The following MME variants were observed in gnomAD, a reference collection of about 807,000 sequenced individuals.
The protein encoded by MME is neprilysin.
A neutral mutation model predicts 113.2 loss-of-function variants in MME; 98 were observed. The ratio of observed to expected loss-of-function variants is 0.87; its 90% CI spans 0.74 to 1.02. The LOEUF (loss-of-function observed/expected upper bound fraction) is 1.02. Ranked by LOEUF, MME falls within the 50% of genes least tolerant of loss-of-function variation. The pLI is 0.00. For missense variants in MME, 836 were observed against 896.0 expected, an observed-to-expected ratio of 0.93 and a Z score of 0.86; for synonymous variants, 292 against 300.6, an observed-to-expected ratio of 0.97 and a Z score of 0.30.
intron 3 of MME, among the ~76,000 whole-genome samples, chr3:155,094,375 C>A (rs901976447): frequency 6.6e-6 from 1 of 152,174 alleles, no homozygotes; most frequent in Non-Finnish European, 1.5e-5. Flanking sequence ...CAAAGACTAA[C>A]GACAGCCTAT....
intron 1 of MME, among the ~76,000 whole-genome samples, chr3:155,050,900 T>C (rs1713739824): frequency 6.6e-6 from 1 of 152,210 alleles, no homozygotes; most frequent in Non-Finnish European, 1.5e-5. Context: ...CATGAAATTT[T>C]TGCCGGTTCC....
chr3:155,058,467 C>A (rs928032711), intron 1 of MME, among the ~76,000 whole-genome samples: 11 of 152,162 alleles, frequency 7.2e-5, no homozygotes, highest in Admixed American at 5.2e-4. Context: ...AAACATAGCA[C>A]GTTAATGTTA....
chr3:155,174,175 A>G (rs1250481869), intron 22 of MME, among the ~76,000 whole-genome samples: 2 of 152,186 alleles, frequency 1.3e-5, no homozygotes, highest in East Asian at 1.9e-4. Context: ...TAAAACGTAC[A>G]TAAGTATATA....
intron 3 of MME, among the ~76,000 whole-genome samples, chr3:155,096,409 A>G (rs916070876): frequency 6.6e-6 from 1 of 152,224 alleles, no homozygotes; most frequent in African/African-American, 2.4e-5. Context: ...TAAGGCTATC[A>G]TAGAGGGTGT....
chr3:155,062,118 A>C (rs891138146), intron 1 of MME, among the ~76,000 whole-genome samples: 1 of 152,188 alleles, frequency 6.6e-6, no homozygotes, highest in Non-Finnish European at 1.5e-5. Context: ...TCAAAGTTGA[A>C]TAGGAAGGGT....
intron 8 of MME, among the ~76,000 whole-genome samples, chr3:155,135,302 T>C (rs1383235823): frequency 6.6e-6 from 1 of 152,188 alleles, no homozygotes; most frequent in Non-Finnish European, 1.5e-5. Context: ...CATCTTGAGG[T>C]AATTTTTGTG....
intron 17 of MME, among the ~76,000 whole-genome samples, chr3:155,162,301 C>T (rs898126901): frequency 1.2e-4 from 19 of 152,144 alleles, no homozygotes; most frequent in Non-Finnish European, 2.2e-4. Flanking sequence ...TCCAAATTGG[C>T]CCACTTCAGG....
In MME at chr3:155,119,944, T is replaced by A. The variant is rs1410630246; in HGVS notation, c.720+1133T>A. Among the ~76,000 whole-genome samples, 118 of 74,112 alleles carry A rather than the reference T, an allele frequency of 1.6e-3. 1 individual carries two copies. Among genetic ancestry groups the A allele is most frequent in the Non-Finnish European group, 2.3e-3 (86 of 37,424 alleles). The allele number at this position is 74,112 out of a possible 152,430, so 48.6% of individuals were successfully genotyped here. On this transcript the variant is annotated intron_variant, in intron 8 of 22. Transcript: ENST00000360490. ...GGTATATACCCAGTAATGGGATGGCTGGGTCAAATGGTATTTCTAGTTCTA... is the reference window on the plus strand; with the variant it reads ...GGTATATACCCAGTAATGGGATGGCAGGGTCAAATGGTATTTCTAGTTCTA...
chr3:155,038,241 G>T (rs1007723109), intron 1 of MME, among the ~76,000 whole-genome samples: 1 of 152,112 alleles, frequency 6.6e-6, no homozygotes, highest in Non-Finnish European at 1.5e-5. Flanking sequence ...CCAAGGTTTT[G>T]GACAAACATA....
chr3:155,090,760 T>C (rs535441946), intron 3 of MME, among the ~76,000 whole-genome samples: 3 of 152,328 alleles, frequency 2.0e-5, no homozygotes, highest in African/African-American at 7.2e-5. Context: ...ACCACAGATA[T>C]GGGGGAGACT....
chr3:155,033,519 T>A (rs1262356945), intron 1 of MME, among the ~76,000 whole-genome samples: 2 of 152,188 alleles, frequency 1.3e-5, no homozygotes, highest in Non-Finnish European at 2.9e-5. Flanking sequence ...ATGCCTATTG[T>A]TATAAATACT....
intron 8 of MME, 95 bp from the exon 9 acceptor site, chr3:155,138,007 T>A (rs1475169710): frequency 7.3e-7 from 1 of 1,378,182 alleles, no homozygotes; most frequent in Non-Finnish European, 1.0e-6. Flanking sequence ...GGTTATCTAT[T>A]ACCAAAAATT....
chr3:155,103,822 C>T (rs951789396), intron 3 of MME, among the ~76,000 whole-genome samples: 3 of 152,176 alleles, frequency 2.0e-5, no homozygotes, highest in Non-Finnish European at 4.4e-5. Context: ...TCTAAAACTC[C>T]TCTGTCCCTG....
intron 3 of MME, among the ~76,000 whole-genome samples, chr3:155,111,720 T>C (rs1364520434): frequency 6.6e-5 from 10 of 152,126 alleles, no homozygotes; most frequent in Non-Finnish European, 4.4e-5. Flanking sequence ...GTTCACTACT[T>C]TTCTGAGTAG....
At chr3:155,178,657 A>G (rs965276372) in intron 22 of MME, among the ~76,000 whole-genome samples, 13 of 152,152 alleles carry the variant, frequency 8.5e-5, no homozygotes, top group Non-Finnish European at 1.8e-4. Context: ...GGCTCCCTGC[A>G]GATATCAAAA....
At chr3:155,109,829 G>C (rs2108237969) in intron 3 of MME, among the ~76,000 whole-genome samples, 1 of 152,340 alleles carries the variant, frequency 6.6e-6, no homozygotes, top group Admixed American at 6.5e-5. Flanking sequence ...ATATTTCTGA[G>C]ATTTTTCACA....
At chr3:155,119,791 C>T in intron 8 of MME, among the ~76,000 whole-genome samples, 1 of 132,400 alleles carries the variant, frequency 7.6e-6, no homozygotes, top group African/African-American at 2.8e-5. Flanking sequence ...ATATGTGCCA[C>T]ATTTTCTTAA....
chr3:155,028,084 G>A (rs1712847442), intron 1 of MME, among the ~76,000 whole-genome samples: 1 of 152,130 alleles, frequency 6.6e-6, no homozygotes, highest in Admixed American at 6.5e-5. Context: ...GGAAAGGGGT[G>A]AGGACCATCA....
intron 3 of MME, among the ~76,000 whole-genome samples, chr3:155,091,549 C>G (rs1716299995): frequency 6.6e-6 from 1 of 152,072 alleles, no homozygotes; most frequent in African/African-American, 2.4e-5. Context: ...CTAGCTTAGA[C>G]TGGGGTGAGA....
Sources: gnomAD v4.1 joint callset for allele counts (sites outside exome capture counted in the v4.1 genomes callset) on GRCh38, gnomAD v4.1.1 for gene constraint, MANE v1.5 for transcripts, NCBI Gene and HGNC (gene_info 2026-07-23, HGNC 2026-07-21) for gene names.